The following NUP155 variants were observed in gnomAD, a reference collection of about 807,000 sequenced individuals.
NUP155 encodes nucleoporin 155.
A neutral mutation model predicts 180.4 loss-of-function variants in NUP155; 71 were observed. The ratio of observed to expected loss-of-function variants is 0.39; its 90% confidence interval spans 0.33 to 0.48. The LOEUF (loss-of-function observed/expected upper bound fraction) is 0.48. Among genes scored for constraint, NUP155 ranks in the 20% least tolerant of loss-of-function variants. The pLI, the probability that NUP155 is intolerant of heterozygous loss-of-function variation, is 0.91. For missense variants in NUP155, 1,553 were observed against 1,648.9 expected, an observed-to-expected ratio of 0.94 and a Z score of 1.01; for synonymous variants, 582 against 559.5, an observed-to-expected ratio of 1.04 and a Z score of -0.57.
At chr5:37,326,075 A>G in intron 18 of NUP155, 108 bp from the exon 19 acceptor site, 1 of 817,302 alleles carries the variant, frequency 1.2e-6, no homozygotes, top group Non-Finnish European at 2.1e-6. Context: ...TAAAACTTGC[A>G]GTGGTTTCAT....
intron 21 of NUP155, among the ~76,000 whole-genome samples, chr5:37,315,370 T>G (rs943409019): frequency 8.5e-5 from 13 of 152,248 alleles, no homozygotes; most frequent in African/African-American, 3.1e-4. Context: ...AACTTGTATC[T>G]GGAATAACTG....
At chr5:37,302,447 G>A (rs1742916092) in intron 29 of NUP155, among the ~76,000 whole-genome samples, 1 of 152,160 alleles carries the variant, frequency 6.6e-6, no homozygotes. Flanking sequence ...TATTGGCCAG[G>A]CTGGTCTCGA....
chr5:37,291,963 T>C lies in NUP155; in HGVS notation c.4113A>G (p.Val1371=), dbSNP rs1742254105. The C allele has an allele frequency of 1.2e-6, 2 of 1,614,010 alleles. No individual in the cohort carries two copies. Among genetic ancestry groups the C allele is most frequent in the Non-Finnish European group, 1.7e-6 (2 of 1,179,878 alleles). Residue 1371 remains valine, a synonymous_variant, in exon 35 of 35, where the codon GTA becomes GTG. Coordinates refer to ENST00000231498, the MANE Select transcript of NUP155 (RefSeq NM_153485.3). ...LVELQSMSSS[V]AVQAITGNFK... ...AATTCCCAGTGATGGCTTGTACTGC[T>C]ACTGACGAGCTCATAGACTGGAGCT...
At chr5:37,313,714 G>C (rs1020463077) in intron 22 of NUP155, among the ~76,000 whole-genome samples, 1 of 152,074 alleles carries the variant, frequency 6.6e-6, no homozygotes, top group Admixed American at 6.6e-5. Flanking sequence ...TCTTGCCCAG[G>C]ATAGTCTTGA....
intron 9 of NUP155, among the ~76,000 whole-genome samples, chr5:37,344,912 C>A (rs1051334593): frequency 6.6e-6 from 1 of 150,782 alleles, no homozygotes; most frequent in East Asian, 2.0e-4. Flanking sequence ...CGGTGGTTCA[C>A]ATCTGTAATC....
At chr5:37,351,865 T>A (rs1746484001) in intron 5 of NUP155, among the ~76,000 whole-genome samples, 1 of 143,268 alleles carries the variant, frequency 7.0e-6, no homozygotes, top group Non-Finnish European at 1.5e-5. Flanking sequence ...ACCTGCAGAG[T>A]GTGTGAGTGT....
intron 14 of NUP155, among the ~76,000 whole-genome samples, chr5:37,331,035 G>C (rs984645233): frequency 1.3e-5 from 2 of 151,898 alleles, no homozygotes; most frequent in Admixed American, 1.3e-4. Flanking sequence ...TGTAGTCCCA[G>C]CTACTTGGGA....
At chr5:37,354,158 CTTTTT>C (rs1393426224) in intron 4 of NUP155, among the ~76,000 whole-genome samples, 3 of 152,040 alleles carry the variant, frequency 2.0e-5, no homozygotes, top group Non-Finnish European at 4.4e-5. Flanking sequence ...CTTTGCTTTT[CTTTTT>C]GAGACAGAGT....
Position 37,371,101 on chromosome 5 carries a change from C to T in NUP155, c.-124G>A, listed in dbSNP as rs939221400. 1 of 904,434 alleles carries T rather than the reference C, an allele frequency of 1.1e-6. No homozygotes were observed. Among genetic ancestry groups the T allele is most frequent in the African/African-American group, 1.7e-5 (1 of 60,142 alleles). The allele number at this position is 904,434 out of a possible 1,614,324, so 56.0% of individuals were successfully genotyped here. A position where few individuals can be genotyped will look rare whatever the true frequency, so the allele number is the denominator to read the frequency against. On this transcript the variant is annotated 5_prime_UTR_variant, in exon 1 of 35. Transcript: ENST00000231498. ...GCGCGCCAAACGAGCGCCTTGGCGC[C>T]TCGACATGACGCACTTCCGCTTCAT...
chr5:37,289,224 A>T lies in NUP155; in HGVS notation c.*2676T>A, dbSNP rs187124265. On this transcript the variant is annotated 3_prime_UTR_variant, in exon 35 of 35. Transcript: ENST00000231498. ...CTATTTAAGAGGATGAGGTGGGAAGACTGAGTTGAGCCCAGGAGCTCGAGG... is the reference window on the plus strand; with the variant it reads ...CTATTTAAGAGGATGAGGTGGGAAGTCTGAGTTGAGCCCAGGAGCTCGAGG... 6.5e-6 allele frequency: 1 copy of T among 152,736 alleles called. No homozygotes were observed. The highest frequency in any genetic ancestry group is 2.4e-5 in the African/African-American group (1 of 41,612). The allele number at this position is 152,736 out of a possible 1,614,324, so 9.5% of individuals were successfully genotyped here. A position where few individuals can be genotyped will look rare whatever the true frequency, so the allele number is the denominator to read the frequency against.
rs563792650 is a variant in NUP155, at chr5:37,295,984, C to T, written c.3794-1519G>A. ...AGGAGCCCCTCTGCCCGGCCAGCCG[C>T]CCCATCCGGGAGGGAGGAGGGGGGG... On this transcript the variant is annotated intron_variant, in intron 32 of 34. Transcript: ENST00000231498. Among the ~76,000 whole-genome samples the T allele has an allele frequency of 3.4e-5, 5 of 148,042 alleles. No homozygotes were observed. The South Asian group carries it at 1.1e-3, about 33-fold the overall frequency.
At chr5:37,360,836 G>A (rs933660691) in intron 3 of NUP155, among the ~76,000 whole-genome samples, 3 of 151,900 alleles carry the variant, frequency 2.0e-5, no homozygotes, top group African/African-American at 7.3e-5. Context: ...CCAGCACTTT[G>A]AGACTCCGTC....
chr5:37,359,237 C>G (rs1747045760), intron 3 of NUP155, among the ~76,000 whole-genome samples: 1 of 151,008 alleles, frequency 6.6e-6, no homozygotes, highest in Non-Finnish European at 1.5e-5. Flanking sequence ...GCAAAGAAAA[C>G]TGTTTCAGTT....
chr5:37,341,796 T>C (rs1306151149), intron 10 of NUP155, among the ~76,000 whole-genome samples: 8 of 152,182 alleles, frequency 5.3e-5, no homozygotes, highest in Non-Finnish European at 1.0e-4. Flanking sequence ...CGCCTTGGCC[T>C]CCCAAAGTGC....
In NUP155 at chr5:37,303,299, T is replaced by C. The variant is rs199530136; in HGVS notation, c.3278A>G (p.Asn1093Ser). The change falls in exon 28 of 35, where the codon AAT (asparagine) becomes AGT (serine). Residue 1093 changes from asparagine (N) to serine (S), a missense_variant. Physicochemically the swap from Asn to Ser is conservative, Grantham distance 46. Coordinates refer to ENST00000231498, the MANE Select transcript of NUP155 (RefSeq NM_153485.3). ...RYYEKNRSFS[N>S]AARVLSRLAD... ...CAGTCTGGACAGTACACGAGCAGCA[T>C]TACTGAAACTTCTGTTCTTCTCGTA... is the stretch of plus-strand genomic sequence containing the variant. The C allele has an allele frequency of 1.5e-4, 249 of 1,614,004 alleles. No individual in the cohort carries two copies. Among genetic ancestry groups the C allele is most frequent in the Non-Finnish European group, 2.0e-4 (236 of 1,179,998 alleles).
At chr5:37,343,959 A>G (rs938491334) in intron 9 of NUP155, among the ~76,000 whole-genome samples, 2 of 152,128 alleles carry the variant, frequency 1.3e-5, no homozygotes, top group African/African-American at 4.8e-5. Context: ...ACCTCAATGA[A>G]GCTTTCAACA....
At chr5:37,354,947 C>G (rs1746715682) in intron 4 of NUP155, among the ~76,000 whole-genome samples, 1 of 151,820 alleles carries the variant, frequency 6.6e-6, no homozygotes. Context: ...CAAAAATTAG[C>G]CGGGCCTGCT....
At chr5:37,364,506 A>C in intron 1 of NUP155, 122 bp from the exon 2 acceptor site, 1 of 827,592 alleles carries the variant, frequency 1.2e-6, no homozygotes, top group African/African-American at 1.7e-5. Context: ...AGAATATTCT[A>C]GTTTTGACCC....
chr5:37,317,192 A>G (rs1470958387), intron 21 of NUP155, among the ~76,000 whole-genome samples: 2 of 149,776 alleles, frequency 1.3e-5, no homozygotes, highest in African/African-American at 4.9e-5. Context: ...AATAAATAAA[A>G]TAAAGTAAAA....
Sources: allele counts gnomAD v4.1 joint callset (sites outside exome capture counted in the v4.1 genomes callset), GRCh38; gene constraint gnomAD v4.1.1; transcripts MANE v1.5; gene names NCBI Gene and HGNC (gene_info 2026-07-23, HGNC 2026-07-21).